Variants in NAV3 observed in about 807,000 individuals in gnomAD.
The protein encoded by NAV3 is neuron navigator 3.
In NAV3, 87 loss-of-function variants were observed where a neutral mutation model predicts 244.7. That is an observed-to-expected ratio of 0.36 (90% CI 0.30 to 0.42). The LOEUF is 0.42. Among genes scored for constraint, NAV3 ranks in the 20% least tolerant of loss-of-function variants. NAV3 has a pLI of 1.00. For missense variants in NAV3, 2,663 were observed against 2,893.3 expected (o/e 0.92, Z 1.83); for synonymous variants, 1,126 against 1,042.2 (o/e 1.08, Z -1.55).
rs549104977 is a variant in NAV3 at position 77,885,487 on chromosome 12, C to A, written c.243+53783C>A. On this transcript the variant is annotated intron_variant, in intron 1 of 39. Coordinates refer to ENST00000397909, the MANE Select transcript of NAV3 (RefSeq NM_001024383.2). ...GCATGTTGGTTTGTTGCAATAAACA[C>A]CCACATAAAAATAAAAGTTGTATTG... Among the ~76,000 whole-genome samples, 468 of 152,084 alleles carry A rather than the reference C, an allele frequency of 3.1e-3. 3 individuals are homozygous for A. Among genetic ancestry groups the A allele is most frequent in the Non-Finnish European group, 3.9e-3 (265 of 67,978 alleles).
At chr12:78,180,528 T>C (rs1958453729) in intron 29 of NAV3, among the ~76,000 whole-genome samples, 5 of 152,118 alleles carry the variant, frequency 3.3e-5, no homozygotes, top group Admixed American at 2.6e-4. Context: ...TATAAGATTT[T>C]AACATCACCT....
At chr12:78,020,461 T>C (rs1876959324) in intron 8 of NAV3, among the ~76,000 whole-genome samples, 1 of 152,164 alleles carries the variant, frequency 6.6e-6, no homozygotes. Flanking sequence ...TAGAATAAAA[T>C]AGGAACAGTC....
intron 1 of NAV3, among the ~76,000 whole-genome samples, chr12:77,936,241 A>G (rs979143295): frequency 1.3e-5 from 2 of 152,200 alleles, no homozygotes; most frequent in Non-Finnish European, 2.9e-5. Flanking sequence ...TTTGATTTTT[A>G]TCACTTTTAA....
At chr12:77,584,977 C>G (rs1490281951) in intron 2 of NAV3, among the ~76,000 whole-genome samples, 1 of 152,124 alleles carries the variant, frequency 6.6e-6, no homozygotes, top group Non-Finnish European at 1.5e-5. Flanking sequence ...TGAAGAATGC[C>G]TGACGGATGA....
chr12:77,694,284 G>C (rs1875182601), intron 2 of NAV3, among the ~76,000 whole-genome samples: 1 of 151,544 alleles, frequency 6.6e-6, no homozygotes, highest in Admixed American at 6.6e-5. Flanking sequence ...GGCTAACATG[G>C]TGAAACCCCA....
intron 3 of NAV3, among the ~76,000 whole-genome samples, chr12:77,951,362 GC>G (rs1341926486): frequency 2.0e-5 from 3 of 151,990 alleles, no homozygotes; most frequent in Non-Finnish European, 1.5e-5. Context: ...AACCAAAACC[GC>G]AATGAGATAC....
At chr12:77,614,565 T>C (rs1463019279) in intron 2 of NAV3, among the ~76,000 whole-genome samples, 4 of 152,188 alleles carry the variant, frequency 2.6e-5, no homozygotes, top group African/African-American at 9.7e-5. Context: ...CACTGTCCTA[T>C]GCAATCAGTA....
chr12:77,657,068 CA>C (rs1873146787), intron 2 of NAV3, among the ~76,000 whole-genome samples: 2 of 152,132 alleles, frequency 1.3e-5, no homozygotes, highest in Non-Finnish European at 2.9e-5. Flanking sequence ...CAAGAGCAAA[CA>C]CATTCAAAAG....
chr12:77,654,910 G>A (rs1340101177), intron 2 of NAV3, among the ~76,000 whole-genome samples: 1 of 144,790 alleles, frequency 6.9e-6, no homozygotes, highest in Non-Finnish European at 1.5e-5. Context: ...TGTCTGTTAG[G>A]AGGAAAACTA....
intron 6 of NAV3, among the ~76,000 whole-genome samples, chr12:77,995,707 T>A (rs1473605996): frequency 6.6e-6 from 1 of 152,196 alleles, no homozygotes; most frequent in East Asian, 1.9e-4. Flanking sequence ...CTTGGCTTTC[T>A]AAGTTATATT....
intron 9 of NAV3, among the ~76,000 whole-genome samples, chr12:78,047,620 C>G (rs780718908): frequency 1.2e-4 from 19 of 152,224 alleles, no homozygotes; most frequent in Non-Finnish European, 2.8e-4. Context: ...ATCAGCCTTT[C>G]TCTCTGGCTG....
chr12:78,096,487 G>A (rs980037686), intron 12 of NAV3, among the ~76,000 whole-genome samples: 4 of 152,068 alleles, frequency 2.6e-5, no homozygotes, highest in African/African-American at 7.2e-5. Flanking sequence ...AATTTATGAA[G>A]GAAAGAGGTT....
chr12:78,055,411 C>T (rs913750787), intron 11 of NAV3, among the ~76,000 whole-genome samples: 3 of 152,108 alleles, frequency 2.0e-5, no homozygotes, highest in Non-Finnish European at 4.4e-5. Flanking sequence ...AGAATACATG[C>T]AATATATGCA....
intron 3 of NAV3, among the ~76,000 whole-genome samples, chr12:77,954,920 G>A (rs1008251320): frequency 6.6e-6 from 1 of 152,100 alleles, no homozygotes; most frequent in Admixed American, 6.6e-5. Context: ...TTGCAATACT[G>A]ATCATTTCCC....
At chr12:77,633,238 G>A (rs978305480) in intron 2 of NAV3, among the ~76,000 whole-genome samples, 31 of 152,020 alleles carry the variant, frequency 2.0e-4, no homozygotes, top group East Asian at 7.7e-4. Flanking sequence ...CTGTAAATCC[G>A]TAAATATTTG....
chr12:77,792,984 T>C (rs1213970585), intron 2 of NAV3, among the ~76,000 whole-genome samples: 1 of 152,154 alleles, frequency 6.6e-6, no homozygotes, highest in Non-Finnish European at 1.5e-5. Flanking sequence ...GTGCGGGATA[T>C]TCTGAGAGGC....
rs1456158042 is a variant in NAV3 at position 77,868,343 on chromosome 12, TTTATC to T, written c.243+36644_243+36648del. ...AATATAATAACGTATGTTATTCTAT[TTTATC>T]TTATTTTATTTTACTTTGAACTAAG... is the stretch of plus-strand genomic sequence containing the variant. On this transcript the variant is annotated intron_variant, in intron 1 of 39. Transcript: ENST00000397909. 7.2e-5 allele frequency among the ~76,000 whole-genome samples: 11 copies of T among 152,308 alleles called. No individual in the cohort carries two copies. In the East Asian group the frequency reaches 2.1e-3, roughly 29 times the overall value.
At chr12:77,820,619 A>G (rs1872700011) in intron 2 of NAV3, among the ~76,000 whole-genome samples, 1 of 152,160 alleles carries the variant, frequency 6.6e-6, no homozygotes, top group Admixed American at 6.6e-5. Context: ...GTGGTTTTCC[A>G]GTTAATGGTC....
intron 12 of NAV3, among the ~76,000 whole-genome samples, chr12:78,106,136 ATTGCCTTTTTTTATAG>A (rs1456988816): frequency 2.6e-5 from 4 of 152,036 alleles, no homozygotes; most frequent in African/African-American, 9.6e-5. Context: ...AAAAAGTATA[ATTGCCTTTTTTTATAG>A]TTGACATGAA....
Sources: gnomAD v4.1 joint callset for allele counts (sites outside exome capture counted in the v4.1 genomes callset) on GRCh38, gnomAD v4.1.1 for gene constraint, MANE v1.5 for transcripts, NCBI Gene and HGNC (gene_info 2026-07-23, HGNC 2026-07-21) for gene names.